TPO: variants seen among roughly 807,000 people sequenced by gnomAD.
The protein encoded by TPO is thyroid microsomal antigen.
A neutral mutation model predicts 96.9 loss-of-function variants in TPO; 78 were observed. The ratio of observed to expected loss-of-function variants is 0.81; its 90% CI spans 0.67 to 0.97. TPO has a LOEUF of 0.97. Among genes scored for constraint, TPO ranks in the 50% least tolerant of loss-of-function variants. TPO has a pLI of 0.00. For synonymous variants in TPO, 547 were observed against 538.0 expected (o/e 1.02, Z -0.23); for missense variants, 1,252 against 1,274.8 (o/e 0.98, Z 0.27).
chr2:1,470,663 A>C (rs1669317402), intron 7 of TPO, among the ~76,000 whole-genome samples: 1 of 152,184 alleles, frequency 6.6e-6, no homozygotes, highest in African/African-American at 2.4e-5. Context: ...CATTTAAAAA[A>C]GCCATGGTGA....
intron 15 of TPO, among the ~76,000 whole-genome samples, chr2:1,538,226 C>T (rs920083192): frequency 1.3e-5 from 2 of 151,966 alleles, no homozygotes; most frequent in Admixed American, 6.6e-5. Context: ...CTTCTTTGCC[C>T]AGAAGCATGT....
At chr2:1,416,711 A>G (rs1662999041) in intron 2 of TPO, among the ~76,000 whole-genome samples, 1 of 152,244 alleles carries the variant, frequency 6.6e-6, no homozygotes, top group African/African-American at 2.4e-5. Context: ...CTGAAAAAAT[A>G]TTATGTGTCT....
chr2:1,436,595 C>T (rs889458699), intron 5 of TPO, among the ~76,000 whole-genome samples: 27 of 152,208 alleles, frequency 1.8e-4, no homozygotes, highest in African/African-American at 6.0e-4. Flanking sequence ...CCAGCCACAA[C>T]GTCCCATCCA....
chr2:1,537,532 TCC>T (rs1327708498), intron 15 of TPO, among the ~76,000 whole-genome samples: 2 of 12,872 alleles, frequency 1.6e-4, no homozygotes, highest in African/African-American at 3.0e-4. Flanking sequence ...CCTCCGCCTA[TCC>T]CCCCCAGTGT....
At chr2:1,411,712 C>A (rs1274110265), upstream of TPO, among the ~76,000 whole-genome samples, 1 of 152,198 alleles carries the variant, frequency 6.6e-6, no homozygotes, top group Non-Finnish European at 1.5e-5. Flanking sequence ...TGCTCCTGGC[C>A]TCCTCCAGTT....
intron 1 of TPO, among the ~76,000 whole-genome samples, chr2:1,401,151 G>C (rs1662166025): frequency 6.6e-6 from 1 of 152,172 alleles, no homozygotes; most frequent in South Asian, 2.1e-4. Context: ...AGGTTGGCCT[G>C]AGCTGTAGGC....
intron 15 of TPO, among the ~76,000 whole-genome samples, chr2:1,521,881 CCA>C (rs1332485861): frequency 2.6e-5 from 4 of 152,036 alleles, no homozygotes; most frequent in Non-Finnish European, 5.9e-5. Flanking sequence ...GCCTCCCACC[CCA>C]GTCCCCCCGT....
At chr2:1,512,460 C>A (rs979045135) in intron 14 of TPO, 1 of 985,342 alleles carries the variant, frequency 1.0e-6, no homozygotes, top group Non-Finnish European at 1.2e-6. Context: ...GTGCTCAGGG[C>A]AGCTGTGCGC....
At chr2:1,380,393 C>CAAA (rs35109677) in intron 1 of TPO, among the ~76,000 whole-genome samples, 16 of 94,934 alleles carry the variant, frequency 1.7e-4, no homozygotes, top group African/African-American at 4.9e-4. Flanking sequence ...GACTCTGTCT[C>CAAA]AAAAAAAAAA....
At position 1,477,448 on chromosome 2, in the gene TPO, C is replaced by T. The variant is rs1216601305; in HGVS notation, c.1182C>T (p.Asp394=). The T allele has an allele frequency of 2.0e-6, 3 of 1,524,212 alleles. No individual in the cohort carries two copies. Among genetic ancestry groups the T allele is most frequent in the South Asian group, 1.2e-5 (1 of 83,054 alleles). 94.4% of individuals were successfully genotyped at this position (1,524,212 alleles called of 1,614,324 possible). The part of the protein sequence containing the change: ...ETRGPCFLAG[D]GRASEVPSLT... ...GCGGGCCCTGCTTCCTGGCCGGAGA[C>T]GGCCGCGCCAGCGAGGTCCCCTCCC... Residue 394 remains aspartate, a synonymous_variant, in exon 8 of 17, where the codon GAC becomes GAT. Transcript: ENST00000329066.
chr2:1,418,299 A>AAGAG (rs1553296831), intron 2 of TPO, among the ~76,000 whole-genome samples: 1 of 146,312 alleles, frequency 6.8e-6, no homozygotes, highest in African/African-American at 2.6e-5. Flanking sequence ...AAAAAAAAAA[A>AAGAG]AGAGAGAGAG....
chr2:1,404,339 C>T (rs1278808868), intron 1 of TPO, among the ~76,000 whole-genome samples: 1 of 152,096 alleles, frequency 6.6e-6, no homozygotes, highest in East Asian at 1.9e-4. Context: ...ACAGGGCCTC[C>T]TCTGCTGTGA....
At chr2:1,452,607 C>T (rs1480722497) in intron 5 of TPO, among the ~76,000 whole-genome samples, 1 of 152,176 alleles carries the variant, frequency 6.6e-6, no homozygotes, top group Non-Finnish European at 1.5e-5. Context: ...CATAGGAATG[C>T]CATCTGGCCC....
intron 7 of TPO, among the ~76,000 whole-genome samples, chr2:1,473,829 G>T (rs1669657314): frequency 6.6e-6 from 1 of 151,902 alleles, no homozygotes; most frequent in South Asian, 2.1e-4. Flanking sequence ...AAACAAAAAA[G>T]AAAGAAGGAA....
At chr2:1,525,891 A>ATACTGTGTGCACCCTCCTCAAATCCCCG (rs1676342795) in intron 15 of TPO, among the ~76,000 whole-genome samples, 1 of 86,728 alleles carries the variant, frequency 1.2e-5, no homozygotes, top group Admixed American at 1.5e-4. Context: ...TCAAATCCCA[A>ATACTGTGTGCACCCTCCTCAAATCCCCG]TACTGTGTGC....
chr2:1,426,744 A>T (rs146770159), intron 3 of TPO, among the ~76,000 whole-genome samples: 120 of 152,352 alleles, frequency 7.9e-4, no homozygotes, highest in African/African-American at 2.6e-3. Context: ...AGGAAACATG[A>T]TGGTTTGTTG....
chr2:1,530,546 C>A (rs1227429118), intron 15 of TPO, among the ~76,000 whole-genome samples: 7 of 124,870 alleles, frequency 5.6e-5, no homozygotes, highest in Non-Finnish European at 1.0e-4. Flanking sequence ...CCCAAATCCC[C>A]CCCATTGTGG....
intron 5 of TPO, among the ~76,000 whole-genome samples, chr2:1,448,568 G>C (rs1057277661): frequency 1.3e-5 from 2 of 152,172 alleles, no homozygotes; most frequent in Admixed American, 6.5e-5. Flanking sequence ...TAAGAGTTAC[G>C]GCGACTGTCA....
intron 2 of TPO, among the ~76,000 whole-genome samples, chr2:1,416,756 T>C (rs951898474): frequency 6.6e-6 from 1 of 152,242 alleles, no homozygotes; most frequent in Non-Finnish European, 1.5e-5. Flanking sequence ...TTAATAGTTG[T>C]TTTGCAGCTT....
Sources: allele counts gnomAD v4.1 joint callset (sites outside exome capture counted in the v4.1 genomes callset), GRCh38; gene constraint gnomAD v4.1.1; transcripts MANE v1.5; gene names NCBI Gene and HGNC (gene_info 2026-07-23, HGNC 2026-07-21).